PTGES3L: variants seen among roughly 807,000 people sequenced by gnomAD.
PTGES3L encodes the protein putative protein PTGES3L.
PTGES3L carries 17 observed loss-of-function variants against 25.0 expected under a neutral mutation model. The ratio of observed to expected loss-of-function variants is 0.68; its 90% CI spans 0.47 to 1.02. PTGES3L has a LOEUF of 1.02. PTGES3L is among the 50% of genes least tolerant of loss of function. The pLI is 0.00. For synonymous variants in PTGES3L, 59 were observed against 65.7 expected (o/e 0.90, Z 0.50); for missense variants, 202 against 197.5 (o/e 1.02, Z -0.14).
chr17:42,970,330 C>G lies in PTGES3L; in HGVS notation c.391G>C (p.Val131Leu). The change falls in exon 6 of 7, where the codon GTC becomes CTC. Residue 131 changes from valine (V) to leucine (L), a missense_variant. By Grantham distance (32) the Val-to-Leu change is conservative. Coordinates refer to ENST00000591916, the MANE Select transcript of PTGES3L (RefSeq NM_001261430.2). ...VEHYAELLKK[V>L]STKRPPPAMD... is the part of the protein sequence containing the mutation. ...GCAGGTGGAGGTCTCTTGGTGCTGACCTTCTTCAAAAGCTAGTGGGAAGAA... is the reference window on the plus strand; with the variant it reads ...GCAGGTGGAGGTCTCTTGGTGCTGAGCTTCTTCAAAAGCTAGTGGGAAGAA... 6.2e-7 allele frequency: 1 copy of G among 1,613,796 alleles called. No homozygotes were observed. Among genetic ancestry groups the G allele is most frequent in the Non-Finnish European group, 8.5e-7 (1 of 1,179,844 alleles).
Position 42,969,135 on chromosome 17 carries a change from G to T in PTGES3L, c.*13C>A. 6.5e-7 allele frequency: 1 copy of T among 1,540,256 alleles called. No individual in the cohort carries two copies. The highest frequency in any genetic ancestry group is 8.8e-7 in the Non-Finnish European group (1 of 1,138,852). On this transcript the variant is annotated 3_prime_UTR_variant, in exon 7 of 7. Transcript: ENST00000591916. The stretch of plus-strand genomic sequence containing the variant: ...TAGCCACAGCTGCCTTCCCAGCTTT[G>T]CGTCACAGAAAGTTAATTACTTGTT...
rs539352600 is a variant in PTGES3L, at chr17:42,970,274, G to T, written c.432+15C>A. The T allele has an allele frequency of 8.1e-6, 13 of 1,613,910 alleles. No homozygotes were observed. The South Asian group carries it at 1.2e-4, about 15-fold the overall frequency. On this transcript the variant is annotated intron_variant, in intron 6 of 6. Coordinates refer to ENST00000591916, the MANE Select transcript of PTGES3L (RefSeq NM_001261430.2). ...TACAAAGAAACTGAAGGGTTGAGGG[G>T]AAGGCTTTACTTACATCCAAATCAT...
chr17:42,979,528 C>T (rs372877558), intron 2 of PTGES3L, 22 bp downstream of exon 2: 1 of 1,613,968 alleles, frequency 6.2e-7, no homozygotes, highest in Non-Finnish European at 8.5e-7. Flanking sequence ...GAAGCCAGGC[C>T]CTCGGACGGC....
chr17:42,979,047 G>GA (rs1257016122), intron 4 of PTGES3L, 123 bp downstream of exon 4: 26 of 996,512 alleles, frequency 2.6e-5, no homozygotes, highest in South Asian at 4.2e-5. Flanking sequence ...AATACAGTTG[G>GA]AAAAAAAAGA....
At position 42,971,678 on chromosome 17, in the gene PTGES3L, C is replaced by T; in HGVS notation, c.307G>A (p.Asp103Asn). The T allele has an allele frequency of 6.2e-7, 1 of 1,614,060 alleles. No homozygotes were observed. The highest frequency in any genetic ancestry group is 8.5e-7 in the Non-Finnish European group (1 of 1,179,982). ...TCCCAGTCTCTCCAGTTATCAAAGT[C>T]CACAGACAGCCACACTGGCTGCAAG... ...EDIKPVWLSVDFDNWRDWEGD... is the reference protein window; with the variant it reads ...EDIKPVWLSVNFDNWRDWEGD... Residue 103 changes from aspartate to asparagine, a missense_variant, in exon 5 of 7, where the codon GAC becomes AAC. By Grantham distance (23) the Asp-to-Asn change is conservative (BLOSUM62 1). Coordinates refer to ENST00000591916, the MANE Select transcript of PTGES3L (RefSeq NM_001261430.2).
rs1391578117 is a variant in PTGES3L, at chr17:42,980,070, G to A, written c.-17C>T. The A allele has an allele frequency of 1.9e-6, 3 of 1,551,432 alleles. No homozygotes were observed. The highest frequency in any genetic ancestry group is 3.9e-5 in the Admixed American group (2 of 50,986). On this transcript the variant is annotated 5_prime_UTR_variant, in exon 1 of 7. Coordinates refer to ENST00000591916, the MANE Select transcript of PTGES3L (RefSeq NM_001261430.2). ...CCGTGCCATTGCGGCTCCCGCTCCAGGGTGGCATTTAGAGTTCCAGGCAGG... is the reference window on the plus strand; with the variant it reads ...CCGTGCCATTGCGGCTCCCGCTCCAAGGTGGCATTTAGAGTTCCAGGCAGG...
chr17:42,979,013 TAAATAA>T (rs1473079021), intron 4 of PTGES3L, among the ~76,000 whole-genome samples, 151 bp downstream of exon 4: 2 of 151,268 alleles, frequency 1.3e-5, no homozygotes, highest in African/African-American at 4.9e-5. Context: ...AATAAATAAA[TAAATAA>T]AAATAAAAAG....
intron 4 of PTGES3L, among the ~76,000 whole-genome samples, chr17:42,978,785 GA>G (rs1466910307): frequency 6.6e-6 from 1 of 152,194 alleles, no homozygotes; most frequent in Non-Finnish European, 1.5e-5. Flanking sequence ...CAGATCACCT[GA>G]AGTCGGGAGT....
chr17:42,971,826 C>T (rs2049842310), intron 4 of PTGES3L, 130 bp from the exon 5 acceptor site: 1 of 764,886 alleles, frequency 1.3e-6, no homozygotes, highest in Non-Finnish European at 2.1e-6. Flanking sequence ...CTCCCAACTG[C>T]ACTCCTTTGA....
At chr17:42,979,923 TAC>T (rs1253387662) in intron 1 of PTGES3L, 121 bp downstream of exon 1, 2 of 1,450,656 alleles carry the variant, frequency 1.4e-6, no homozygotes, top group Non-Finnish European at 1.8e-6. Flanking sequence ...ACCCCACAGT[TAC>T]AGAGACCAGG....
intron 6 of PTGES3L, 21 bp from the exon 7 acceptor site, chr17:42,969,207 AG>A: frequency 7.6e-7 from 1 of 1,319,086 alleles, no homozygotes; most frequent in African/African-American, 1.6e-5. Flanking sequence ...GGGGGAAAAA[AG>A]ACAAAGCACC....
At position 42,979,158 on chromosome 17, in the gene PTGES3L, C is replaced by T. The variant is rs9889910; in HGVS notation, c.288+12G>A. 13,685 of 1,614,078 alleles carry T rather than the reference C, an allele frequency of 8.5e-3. 963 individuals are homozygous for T. In the African/African-American group the frequency reaches 0.16, roughly 19 times the overall value. On this transcript the variant is annotated intron_variant, in intron 4 of 6. Transcript: ENST00000591916. Reference sequence around the variant, plus strand: ...ATGGAGAGAAGAAGCAGGCCACTTTCCACACACCCACCTTGATATCCTCCT... The same window carrying T: ...ATGGAGAGAAGAAGCAGGCCACTTTTCACACACCCACCTTGATATCCTCCT...
chr17:42,973,175 C>G (rs1448148970), intron 4 of PTGES3L, among the ~76,000 whole-genome samples: 1 of 149,740 alleles, frequency 6.7e-6, no homozygotes, highest in Non-Finnish European at 1.5e-5. Context: ...GCAGCCACCC[C>G]ATCCGGGAGG....
At chr17:42,971,036 C>T (rs117501798) in intron 5 of PTGES3L, among the ~76,000 whole-genome samples, 1,804 of 151,402 alleles carry the variant, frequency 0.012, 17 homozygotes, top group Non-Finnish European at 0.018. Flanking sequence ...TGGTGACTTA[C>T]GCCTGTAATC....
chr17:42,976,481 C>A (rs1016901697), intron 4 of PTGES3L, among the ~76,000 whole-genome samples: 2 of 152,076 alleles, frequency 1.3e-5, no homozygotes, highest in African/African-American at 4.8e-5. Flanking sequence ...CAGGTTCAAG[C>A]GATTATTCTG....
chr17:42,973,208 C>T (rs1189504664), intron 4 of PTGES3L, among the ~76,000 whole-genome samples: 2 of 147,402 alleles, frequency 1.4e-5, no homozygotes, highest in Non-Finnish European at 3.0e-5. Context: ...GGTCAGCCCC[C>T]CGCCCGGCCA....
chr17:42,972,241 G>A, intron 4 of PTGES3L: 1 of 152,684 alleles, frequency 6.5e-6, no homozygotes, highest in Admixed American at 6.4e-5. Flanking sequence ...CCGATTGACT[G>A]AGGAGACAAC....
chr17:42,974,738 A>T (rs546108784), intron 4 of PTGES3L, among the ~76,000 whole-genome samples: 1 of 147,746 alleles, frequency 6.8e-6, no homozygotes, highest in Non-Finnish European at 1.5e-5. Context: ...ACGCCACTGT[A>T]CTCCAACCTG....
chr17:42,974,489 T>C (rs764385336), intron 4 of PTGES3L, among the ~76,000 whole-genome samples: 1 of 151,860 alleles, frequency 6.6e-6, no homozygotes, highest in Non-Finnish European at 1.5e-5. Flanking sequence ...AAGATATTTA[T>C]TGGCCAGGTG....
Sources: allele counts gnomAD v4.1 joint callset (sites outside exome capture counted in the v4.1 genomes callset), GRCh38; gene constraint gnomAD v4.1.1; transcripts MANE v1.5; gene names NCBI Gene and HGNC (gene_info 2026-07-23, HGNC 2026-07-21).